SKAP1: variants seen among roughly 807,000 people sequenced by gnomAD.
The protein encoded by SKAP1 is src kinase associated phosphoprotein 1.
Under a neutral mutation model 58.5 loss-of-function variants are expected in SKAP1, and 44 were observed. That is an observed-to-expected ratio of 0.75 (90% CI 0.59 to 0.97). The LOEUF is 0.97. Ranked by LOEUF, SKAP1 falls within the 50% of genes least tolerant of loss-of-function variation. The probability of loss-of-function intolerance (pLI) is 0.00; values close to 1 mark genes in which losing one functional copy is unlikely to be tolerated. For synonymous variants in SKAP1, 127 were observed against 149.7 expected (o/e 0.85, Z 1.11); for missense variants, 390 against 435.2 (o/e 0.90, Z 0.92).
chr17:48,433,304 G>A (rs914697240), upstream of SKAP1, among the ~76,000 whole-genome samples: 2 of 152,198 alleles, frequency 1.3e-5, no homozygotes, highest in African/African-American at 4.8e-5. Flanking sequence ...TGATAGTCAC[G>A]AGTCCTTTAC....
At chr17:48,341,152 T>C (rs890563021) in intron 4 of SKAP1, among the ~76,000 whole-genome samples, 1 of 152,164 alleles carries the variant, frequency 6.6e-6, no homozygotes, top group African/African-American at 2.4e-5. Context: ...AAGCACTTAG[T>C]AAAGAATAGT....
chr17:48,282,581 C>T (rs1288899433), intron 4 of SKAP1, among the ~76,000 whole-genome samples: 2 of 152,062 alleles, frequency 1.3e-5, no homozygotes, highest in Admixed American at 1.3e-4. Flanking sequence ...CAAGACCAGC[C>T]TGGGCAACAT....
intron 3 of SKAP1, among the ~76,000 whole-genome samples, chr17:48,358,135 A>G (rs969477792): frequency 2.0e-5 from 3 of 152,214 alleles, no homozygotes; most frequent in African/African-American, 7.2e-5. Flanking sequence ...AAAGATACTT[A>G]ACAATAAATT....
intron 4 of SKAP1, among the ~76,000 whole-genome samples, chr17:48,256,583 G>C (rs1040809223): frequency 1.3e-5 from 2 of 152,066 alleles, no homozygotes; most frequent in Non-Finnish European, 2.9e-5. Context: ...ATAGCTGTGA[G>C]GTAGTGTACA....
chr17:48,145,891 C>T (rs1420171193), intron 11 of SKAP1, among the ~76,000 whole-genome samples: 2 of 152,210 alleles, frequency 1.3e-5, no homozygotes, highest in South Asian at 2.1e-4. Flanking sequence ...AACTCACCAT[C>T]CTCCAGGGCA....
At chr17:48,271,367 T>TC (rs1567847110) in intron 4 of SKAP1, among the ~76,000 whole-genome samples, 2 of 143,110 alleles carry the variant, frequency 1.4e-5, no homozygotes, top group East Asian at 2.0e-4. Context: ...TGTTTCTTTT[T>TC]TTTTTTTTTT....
Position 48,152,677 on chromosome 17 carries a change from C to G in SKAP1, c.978+9792G>C, listed in dbSNP as rs192657904. On this transcript the variant is annotated intron_variant, in intron 11 of 12. Coordinates refer to ENST00000336915, the MANE Select transcript of SKAP1 (RefSeq NM_003726.4). ...ATTCACAATATTTCAGTTTCCGCAG[C>G]CTTCACCGGTTAGTTTTAAAGATTT... Among the ~76,000 whole-genome samples, 40 of 152,208 alleles carry G rather than the reference C, an allele frequency of 2.6e-4. No homozygotes were observed. The East Asian group carries it at 7.1e-3, about 27-fold the overall frequency.
At chr17:48,294,254 C>G (rs2065935134) in intron 4 of SKAP1, 1 of 152,188 alleles carries the variant, frequency 6.6e-6, no homozygotes, top group Admixed American at 6.5e-5. Flanking sequence ...TTTGAACTCT[C>G]AGACTCGGAT....
At chr17:48,357,842 A>G (rs2066896139) in intron 3 of SKAP1, among the ~76,000 whole-genome samples, 1 of 152,196 alleles carries the variant, frequency 6.6e-6, no homozygotes, top group African/African-American at 2.4e-5. Flanking sequence ...CTTGCTACAG[A>G]TTAATTTGTA....
chr17:48,425,423 CTG>C (rs1430904491), intron 1 of SKAP1, among the ~76,000 whole-genome samples: 7 of 152,140 alleles, frequency 4.6e-5, no homozygotes, highest in African/African-American at 1.7e-4. Context: ...TTCTGAGTAA[CTG>C]TATCCTATTG....
intron 4 of SKAP1, among the ~76,000 whole-genome samples, chr17:48,336,598 A>G (rs1476042683): frequency 6.6e-6 from 1 of 152,192 alleles, no homozygotes; most frequent in African/African-American, 2.4e-5. Context: ...CTAAGGAAGG[A>G]AAAGTTTAGG....
At chr17:48,269,275 TA>T (rs1445264218) in intron 4 of SKAP1, among the ~76,000 whole-genome samples, 1 of 151,932 alleles carries the variant, frequency 6.6e-6, no homozygotes, top group Non-Finnish European at 1.5e-5. Flanking sequence ...TTAGAAGTGA[TA>T]AAAGTAAATA....
intron 2 of SKAP1, among the ~76,000 whole-genome samples, chr17:48,384,458 A>G (rs1312275523): frequency 1.3e-5 from 2 of 152,194 alleles, no homozygotes; most frequent in Non-Finnish European, 2.9e-5. Flanking sequence ...CCACAAAACA[A>G]AAGGTCTGAA....
chr17:48,171,915 G>T (rs1200815572), intron 9 of SKAP1, among the ~76,000 whole-genome samples: 1 of 152,028 alleles, frequency 6.6e-6, no homozygotes, highest in Non-Finnish European at 1.5e-5. Flanking sequence ...ACAAAAATCA[G>T]CTGGGCCTGT....
At chr17:48,308,993 A>G (rs2066185793) in intron 4 of SKAP1, among the ~76,000 whole-genome samples, 1 of 152,166 alleles carries the variant, frequency 6.6e-6, no homozygotes, top group African/African-American at 2.4e-5. Context: ...CCTGAAAAGT[A>G]TCATTTTTTT....
chr17:48,350,471 A>G (rs888988816), intron 3 of SKAP1, among the ~76,000 whole-genome samples: 1 of 152,102 alleles, frequency 6.6e-6, no homozygotes, highest in Non-Finnish European at 1.5e-5. Flanking sequence ...CGAGGCAGGC[A>G]GATCACCTGA....
At chr17:48,419,912 G>C (rs16956501) in intron 1 of SKAP1, among the ~76,000 whole-genome samples, 12,518 of 152,210 alleles carry the variant, frequency 0.082, 665 homozygotes, top group East Asian at 0.21. Context: ...CAGCAGCCTT[G>C]AGGAAGACTT....
At chr17:48,271,023 A>T (rs1452668567) in intron 4 of SKAP1, among the ~76,000 whole-genome samples, 1 of 152,158 alleles carries the variant, frequency 6.6e-6, no homozygotes, top group Non-Finnish European at 1.5e-5. Flanking sequence ...AGAAGGAGAT[A>T]GGAGAGCACC....
intron 11 of SKAP1, among the ~76,000 whole-genome samples, chr17:48,140,348 T>G (rs1469958536): frequency 6.6e-6 from 1 of 152,196 alleles, no homozygotes; most frequent in African/African-American, 2.4e-5. Flanking sequence ...GTTTCTCTCC[T>G]TCTACTTCTA....
Sources: gnomAD v4.1 joint callset for allele counts (sites outside exome capture counted in the v4.1 genomes callset) on GRCh38, gnomAD v4.1.1 for gene constraint, MANE v1.5 for transcripts, NCBI Gene and HGNC (gene_info 2026-07-23, HGNC 2026-07-21) for gene names.